SEPTIN7: variants seen among roughly 807,000 people sequenced by gnomAD.
SEPTIN7 encodes the protein septin-7.
Under a neutral mutation model 63.3 loss-of-function variants are expected in SEPTIN7, and 10 were observed. That is an observed-to-expected ratio of 0.16 (90% CI 0.10 to 0.27). The LOEUF (loss-of-function observed/expected upper bound fraction) is 0.27, where lower values mean the gene tolerates loss of function less well. Among genes scored for constraint, SEPTIN7 ranks in the 10% least tolerant of loss-of-function variants. The pLI is 1.00. For missense variants in SEPTIN7, 310 were observed against 521.0 expected (o/e 0.59, Z 3.94); for synonymous variants, 131 against 165.3 (o/e 0.79, Z 1.59).
At chr7:35,836,211 C>G (rs185920190) in intron 3 of SEPTIN7, among the ~76,000 whole-genome samples, 1 of 152,160 alleles carries the variant, frequency 6.6e-6, no homozygotes, top group Non-Finnish European at 1.5e-5. Context: ...ACCTGTTTGG[C>G]TTGGAACTTG....
intron 3 of SEPTIN7, among the ~76,000 whole-genome samples, chr7:35,860,318 A>G (rs532003468): frequency 1.3e-5 from 2 of 152,320 alleles, no homozygotes; most frequent in East Asian, 3.9e-4. Flanking sequence ...CTATTAACAC[A>G]GATTCATGAT....
Position 35,865,826 on chromosome 7 carries a change from G to A in SEPTIN7, c.276+2168G>A, listed in dbSNP as rs567120544. 4.6e-4 allele frequency among the ~76,000 whole-genome samples: 70 copies of A among 152,238 alleles called. 1 individual carries two copies. Among genetic ancestry groups the A allele is most frequent in the African/African-American group, 1.6e-3 (68 of 41,554 alleles). On this transcript the variant is annotated intron_variant, in intron 4 of 13. Transcript: ENST00000350320. ...TTGCAGACATTTTCTCCCCAGGCAA[G>A]CATCTGTTAAAGATGTGACATGCCC...
chr7:35,879,962 A>G (rs2116264102), intron 7 of SEPTIN7, 22 bp downstream of exon 7: 1 of 1,367,188 alleles, frequency 7.3e-7, no homozygotes, highest in East Asian at 2.4e-5. Flanking sequence ...GTGTTAACCC[A>G]GGTTTCTTAT....
chr7:35,878,497 T>C (rs546717308), intron 6 of SEPTIN7, among the ~76,000 whole-genome samples: 17 of 152,298 alleles, frequency 1.1e-4, no homozygotes, highest in African/African-American at 4.1e-4. Context: ...CATCTGGCCT[T>C]TAGTAAGATT....
chr7:35,808,439 T>A (rs1367075528), intron 1 of SEPTIN7, among the ~76,000 whole-genome samples: 1 of 152,260 alleles, frequency 6.6e-6, no homozygotes, highest in Non-Finnish European at 1.5e-5. Context: ...CTTATTCTTT[T>A]ATACAGCTGC....
intron 6 of SEPTIN7, among the ~76,000 whole-genome samples, chr7:35,878,764 A>G (rs1786637020): frequency 6.6e-6 from 1 of 152,210 alleles, no homozygotes; most frequent in Non-Finnish European, 1.5e-5. Flanking sequence ...TCACTGAGAT[A>G]GGAAGCGTAG....
At chr7:35,819,566 GT>G (rs1310718968) in intron 1 of SEPTIN7, among the ~76,000 whole-genome samples, 1 of 151,736 alleles carries the variant, frequency 6.6e-6, no homozygotes, top group Non-Finnish European at 1.5e-5. Context: ...CTGTTCAGTT[GT>G]TTTTTTTACC....
chr7:35,823,052 T>C (rs1479876488), intron 1 of SEPTIN7, among the ~76,000 whole-genome samples: 3 of 152,098 alleles, frequency 2.0e-5, no homozygotes, highest in African/African-American at 7.2e-5. Flanking sequence ...ATCCTTTTAA[T>C]AGCCCTATGG....
At position 35,860,071 on chromosome 7, in the gene SEPTIN7, T is replaced by A. The variant is rs574493151; in HGVS notation, c.170-3481T>A. Among the ~76,000 whole-genome samples the A allele has an allele frequency of 5.9e-5, 9 of 152,230 alleles. No individual in the cohort carries two copies. The South Asian group carries it at 1.9e-3, about 31-fold the overall frequency. The stretch of plus-strand genomic sequence containing the variant: ...TTTCTTCCATTACTGCCTTTGTTTG[T>A]GTTTACTTGATTTTTTGTAGTGACA... On this transcript the variant is annotated intron_variant, in intron 3 of 13. Coordinates refer to ENST00000350320, the MANE Select transcript of SEPTIN7 (RefSeq NM_001788.6).
At chr7:35,834,911 A>G (rs1207174663) in intron 3 of SEPTIN7, among the ~76,000 whole-genome samples, 1 of 152,170 alleles carries the variant, frequency 6.6e-6, no homozygotes, top group Non-Finnish European at 1.5e-5. Context: ...TGGCTCCCAC[A>G]TTACGACAGT....
At position 35,852,301 on chromosome 7, in the gene SEPTIN7, G is replaced by T. The variant is rs369471021; in HGVS notation, c.170-11251G>T. 2.0e-5 allele frequency among the ~76,000 whole-genome samples: 3 copies of T among 152,000 alleles called. 1 individual carries two copies. Among genetic ancestry groups the T allele is most frequent in the East Asian group, 3.9e-4 (2 of 5,192 alleles). On this transcript the variant is annotated intron_variant, in intron 3 of 13. Transcript: ENST00000350320. ...AAGAAAAGTTTATTGATGGAACTGAGATAAGAGATTTCAAGGAAATTTTAA... is the reference window on the plus strand; with the variant it reads ...AAGAAAAGTTTATTGATGGAACTGATATAAGAGATTTCAAGGAAATTTTAA...
chr7:35,890,367 T>C (rs1370329579), intron 10 of SEPTIN7, among the ~76,000 whole-genome samples: 1 of 152,134 alleles, frequency 6.6e-6, no homozygotes, highest in Non-Finnish European at 1.5e-5. Flanking sequence ...TTTAAATAGA[T>C]AATATAAAGA....
At chr7:35,913,131 G>A in the SEPTIN7 span, among the ~76,000 whole-genome samples, 1 of 152,078 alleles carries the variant, frequency 6.6e-6, no homozygotes, top group Non-Finnish European at 1.5e-5. Flanking sequence ...ATAAATGTGA[G>A]AATGTGCCTG....
At chr7:35,914,501 G>T in the SEPTIN7 span, among the ~76,000 whole-genome samples, 22 of 152,244 alleles carry the variant, frequency 1.4e-4, no homozygotes, top group Admixed American at 3.9e-4. Flanking sequence ...TGGACTCAGG[G>T]TGCAACATCA....
intron 1 of SEPTIN7, among the ~76,000 whole-genome samples, chr7:35,804,930 T>C (rs1038941291): frequency 4.0e-5 from 6 of 149,394 alleles, no homozygotes; most frequent in African/African-American, 1.5e-4. Flanking sequence ...TCTGTCTGCC[T>C]CCTGGGTTCA....
chr7:35,844,972 C>T (rs1264144176), intron 3 of SEPTIN7, among the ~76,000 whole-genome samples: 1 of 151,944 alleles, frequency 6.6e-6, no homozygotes, highest in African/African-American at 2.4e-5. Flanking sequence ...GTGTGTAATC[C>T]CAGCACTTTG....
chr7:35,876,886 T>C (rs1446264498), intron 6 of SEPTIN7, among the ~76,000 whole-genome samples: 1 of 152,096 alleles, frequency 6.6e-6, no homozygotes, highest in Non-Finnish European at 1.5e-5. Flanking sequence ...GGAGAATTGC[T>C]TGAACCCGGG....
intron 1 of SEPTIN7, chr7:35,812,137 A>C (rs1030837777): frequency 4.6e-5 from 9 of 193,588 alleles, no homozygotes; most frequent in Admixed American, 1.2e-4. Flanking sequence ...ACAAAAAAAA[A>C]AAAAACAAAA....
chr7:35,880,475 C>A (rs1341461013), intron 7 of SEPTIN7, among the ~76,000 whole-genome samples: 2 of 151,614 alleles, frequency 1.3e-5, no homozygotes, highest in Admixed American at 6.6e-5. Flanking sequence ...CTTTTATTTT[C>A]CCGAAAGGCT....
Sources: gnomAD v4.1 joint callset for allele counts (sites outside exome capture counted in the v4.1 genomes callset) on GRCh38, gnomAD v4.1.1 for gene constraint, MANE v1.5 for transcripts, NCBI Gene and HGNC (gene_info 2026-07-23, HGNC 2026-07-21) for gene names.